RBFOX1: variants seen among roughly 807,000 people sequenced by gnomAD.
RBFOX1 encodes the protein RNA binding fox-1 homolog 1.
Under a neutral mutation model 57.7 loss-of-function variants are expected in RBFOX1, and 8 were observed. The ratio of observed to expected loss-of-function variants is 0.14; its 90% CI spans 0.08 to 0.25. RBFOX1 has a LOEUF of 0.25. Ranked by LOEUF, RBFOX1 falls within the 10% of genes least tolerant of loss-of-function variation. The probability of loss-of-function intolerance (pLI) is 1.00; values close to 1 mark genes in which losing one functional copy is unlikely to be tolerated. For synonymous variants in RBFOX1, 326 were observed against 222.4 expected, an observed-to-expected ratio of 1.47 and a Z score of -4.15; for missense variants, 611 against 548.5, an observed-to-expected ratio of 1.11 and a Z score of -1.14.
intron 4 of RBFOX1, among the ~76,000 whole-genome samples, chr16:7,207,551 T>C (rs1170687963): frequency 1.3e-5 from 2 of 152,152 alleles, no homozygotes; most frequent in East Asian, 1.9e-4. Flanking sequence ...GAAGACGTGA[T>C]TGGATTAACG....
At chr16:7,244,342 T>A (rs2094201617) in intron 4 of RBFOX1, among the ~76,000 whole-genome samples, 1 of 151,922 alleles carries the variant, frequency 6.6e-6, no homozygotes, top group African/African-American at 2.4e-5. Context: ...TGCTGGCCTT[T>A]GAGCAACTTC....
At chr16:5,412,959 C>G (rs2067062480) in intron 1 of RBFOX1, among the ~76,000 whole-genome samples, 1 of 152,248 alleles carries the variant, frequency 6.6e-6, no homozygotes, top group Non-Finnish European at 1.5e-5. Context: ...ACACATCTCA[C>G]TCGCTGAAGG....
At chr16:7,398,667 A>G (rs1017399210) in intron 4 of RBFOX1, among the ~76,000 whole-genome samples, 3 of 152,158 alleles carry the variant, frequency 2.0e-5, no homozygotes, top group African/African-American at 7.2e-5. Context: ...TGAGCTTGAA[A>G]CTTATTGATG....
At chr16:7,321,141 A>AC in intron 4 of RBFOX1, among the ~76,000 whole-genome samples, 1 of 151,728 alleles carries the variant, frequency 6.6e-6, no homozygotes, top group Admixed American at 6.6e-5. Flanking sequence ...TTATACTTAT[A>AC]TTGTTTGTTT....
intron 2 of RBFOX1, among the ~76,000 whole-genome samples, chr16:6,408,125 C>G (rs540869769): frequency 5.9e-5 from 9 of 152,242 alleles, no homozygotes; most frequent in Admixed American, 4.6e-4. Context: ...ACACCTTGAT[C>G]TTGGACTTCC....
At chr16:7,294,759 G>T (rs2095858118) in intron 4 of RBFOX1, among the ~76,000 whole-genome samples, 1 of 150,442 alleles carries the variant, frequency 6.6e-6, no homozygotes, top group African/African-American at 2.5e-5. Context: ...TTTAGATATT[G>T]TAAAAAATGA....
At chr16:7,026,957 T>C (rs1481180564) in intron 3 of RBFOX1, among the ~76,000 whole-genome samples, 1 of 152,110 alleles carries the variant, frequency 6.6e-6, no homozygotes, top group Non-Finnish European at 1.5e-5. Flanking sequence ...AGTGCTTGGG[T>C]GCTTTGCCCT....
chr16:6,513,431 G>GT (rs1359781032), intron 2 of RBFOX1, among the ~76,000 whole-genome samples: 1 of 152,094 alleles, frequency 6.6e-6, no homozygotes, highest in East Asian at 1.9e-4. Context: ...ATGACTCTGT[G>GT]TAAAAGTTTG....
In RBFOX1 at chr16:7,709,809, G is replaced by C; in HGVS notation, c.1071+678G>C. ...GGGTGGGGTGAACTTGCCTGTACTT[G>C]TTCAAACTTCTATGCACTGAAACTC... is the stretch of plus-strand genomic sequence containing the variant. On this transcript the variant is annotated intron_variant, in intron 15 of 15. Transcript: ENST00000550418. 2.4e-6 allele frequency: 3 copies of C among 1,262,682 alleles called. No individual in the cohort carries two copies. In the South Asian group the frequency reaches 4.9e-5, roughly 20 times the overall value. 78.2% of individuals were successfully genotyped at this position (1,262,682 alleles called of 1,614,324 possible).
intron 2 of RBFOX1, among the ~76,000 whole-genome samples, chr16:5,592,118 A>G (rs2047028430): frequency 6.6e-6 from 1 of 152,200 alleles, no homozygotes; most frequent in Non-Finnish European, 1.5e-5. Context: ...TGTGCATAAG[A>G]GGTATTTGCA....
chr16:7,562,107 A>T (rs2090520263), intron 5 of RBFOX1, among the ~76,000 whole-genome samples: 1 of 152,210 alleles, frequency 6.6e-6, no homozygotes, highest in South Asian at 2.1e-4. Context: ...AGAACAATGC[A>T]GCTCATTTTT....
At chr16:6,713,730 A>T (rs1213993927) in intron 3 of RBFOX1, among the ~76,000 whole-genome samples, 2 of 152,000 alleles carry the variant, frequency 1.3e-5, no homozygotes, top group Admixed American at 1.3e-4. Context: ...CTCTCTTTCC[A>T]CATCTACCTC....
intron 4 of RBFOX1, among the ~76,000 whole-genome samples, chr16:7,234,175 G>T (rs1298344869): frequency 6.6e-6 from 1 of 152,086 alleles, no homozygotes; most frequent in Non-Finnish European, 1.5e-5. Flanking sequence ...CTCACGGCAG[G>T]CAATCAAGCT....
At chr16:7,453,943 C>A (rs1363234872) in intron 4 of RBFOX1, among the ~76,000 whole-genome samples, 1 of 152,120 alleles carries the variant, frequency 6.6e-6, no homozygotes. Flanking sequence ...ATTAAGAAAG[C>A]CATAGCCAGC....
rs139251660 is a variant in RBFOX1, at chr16:7,579,796, C to T, written c.290C>T (p.Pro97Leu). The T allele has an allele frequency of 2.3e-4, 364 of 1,613,996 alleles. No individual in the cohort carries two copies. Among genetic ancestry groups the T allele is most frequent in the Non-Finnish European group, 2.9e-4 (345 of 1,179,958 alleles). ...TTTTAGCAGACAGATGACGCAGCAC[C>T]GACGGATGGCCAGCCCCAGACACAA... ...GTATQTDDAA[P>L]TDGQPQTQPS... is the part of the protein sequence containing the mutation. The change falls in exon 6 of 16, where the codon CCG (proline) becomes CTG (leucine). Residue 97 changes from proline to leucine, a missense_variant. Coordinates refer to ENST00000550418, the MANE Select transcript of RBFOX1 (RefSeq NM_018723.4).
At chr16:5,765,505 G>A (rs988170929) in intron 3 of RBFOX1, among the ~76,000 whole-genome samples, 1 of 152,210 alleles carries the variant, frequency 6.6e-6, no homozygotes, top group Admixed American at 6.5e-5. Context: ...GACATTTTAT[G>A]AGGGCAAGGA....
chr16:6,893,242 C>A (rs988052334), intron 3 of RBFOX1, among the ~76,000 whole-genome samples: 3 of 152,134 alleles, frequency 2.0e-5, no homozygotes, highest in African/African-American at 7.2e-5. Flanking sequence ...GGGAACACAG[C>A]TTCTCCCAGA....
intron 3 of RBFOX1, among the ~76,000 whole-genome samples, chr16:5,786,654 C>G (rs2054509907): frequency 6.6e-6 from 1 of 152,182 alleles, no homozygotes; most frequent in African/African-American, 2.4e-5. Flanking sequence ...TGCCCACTGC[C>G]CTCATCCCAA....
chr16:6,507,148 C>T (rs2096121626), intron 2 of RBFOX1, among the ~76,000 whole-genome samples: 1 of 152,112 alleles, frequency 6.6e-6, no homozygotes, highest in East Asian at 1.9e-4. Flanking sequence ...AGCATCGTTC[C>T]TCACCTCCAC....
Sources: allele counts gnomAD v4.1 joint callset (sites outside exome capture counted in the v4.1 genomes callset), GRCh38; gene constraint gnomAD v4.1.1; transcripts MANE v1.5; gene names NCBI Gene and HGNC (gene_info 2026-07-23, HGNC 2026-07-21).